Variants in FIG4 observed in about 807,000 individuals in gnomAD.
The protein encoded by FIG4 is FIG4 phosphoinositide 5-phosphatase.
In FIG4, 112 loss-of-function variants were observed where a neutral mutation model predicts 118.6. That is an observed-to-expected ratio of 0.94 (90% CI 0.81 to 1.11). FIG4 has a LOEUF of 1.11. FIG4 is among the 50% of genes least tolerant of loss of function. FIG4 has a pLI of 0.00. For synonymous variants in FIG4, 369 were observed against 381.2 expected (o/e 0.97, Z 0.37); for missense variants, 969 against 1,111.7 (o/e 0.87, Z 1.83).
chr6:109,755,177 C>T (rs1351661235), intron 10 of FIG4, among the ~76,000 whole-genome samples: 1 of 152,098 alleles, frequency 6.6e-6, no homozygotes, highest in Non-Finnish European at 1.5e-5. Flanking sequence ...TTTATTTCTG[C>T]CTTCATTTCG....
In FIG4 at chr6:109,691,485, T is replaced by G; in HGVS notation, c.50T>G (p.Leu17Arg). Residue 17 changes from leucine to arginine, a missense_variant, in exon 1 of 23, where the codon CTG (leucine) becomes CGG (arginine). Coordinates refer to ENST00000230124, the MANE Select transcript of FIG4 (RefSeq NM_014845.6). ...PIISSVQKLV[L>R]YETRARYFLV... Reference sequence around the variant, plus strand: ...ATCAGCTCGGTCCAGAAGCTGGTTCTGTATGAGACTAGAGCTGTGAGTACC... The same window carrying G: ...ATCAGCTCGGTCCAGAAGCTGGTTCGGTATGAGACTAGAGCTGTGAGTACC... 1 of 1,582,878 alleles carries G rather than the reference T, an allele frequency of 6.3e-7. No homozygotes were observed. Among genetic ancestry groups the G allele is most frequent in the Non-Finnish European group, 8.6e-7 (1 of 1,164,104 alleles).
rs56981194 is a variant in FIG4, at chr6:109,786,181, G to A, written c.1949-121G>A. 3,511 of 809,602 alleles carry A rather than the reference G, an allele frequency of 4.3e-3. 86 individuals carry two copies. The African/African-American group carries it at 0.055, about 13-fold the overall frequency. 50.2% of individuals were successfully genotyped at this position (809,602 alleles called of 1,614,324 possible). ...TGTTGGAGGCAGGAGCTTACCCTCG[G>A]TCAGGGCTGTATCCCCCACAGAGCT... On this transcript the variant is annotated intron_variant, in intron 17 of 22. Coordinates refer to ENST00000230124, the MANE Select transcript of FIG4 (RefSeq NM_014845.6).
rs1351871530 is a variant in FIG4 at position 109,825,383 on chromosome 6, C to G, written c.*118C>G. 3.2e-6 allele frequency: 3 copies of G among 939,754 alleles called. No individual in the cohort carries two copies. Among genetic ancestry groups the G allele is most frequent in the Non-Finnish European group, 5.0e-6 (3 of 599,546 alleles). 58.2% of individuals were successfully genotyped at this position (939,754 alleles called of 1,614,324 possible). ...GTCTGAAGCCTTTCTCCTTTTCTGTCACTTGCAAATTCCAAATTATAGCTA... is the reference window on the plus strand; with the variant it reads ...GTCTGAAGCCTTTCTCCTTTTCTGTGACTTGCAAATTCCAAATTATAGCTA... On this transcript the variant is annotated 3_prime_UTR_variant, in exon 23 of 23. Transcript: ENST00000230124.
intron 16 of FIG4, among the ~76,000 whole-genome samples, chr6:109,781,314 C>T (rs768762954): frequency 3.3e-5 from 5 of 152,208 alleles, no homozygotes; most frequent in Non-Finnish European, 7.3e-5. Context: ...ATCTCTTCTT[C>T]TACTGGTTAA....
chr6:109,701,626 A>G (rs1048093780), intron 1 of FIG4: 1 of 465,016 alleles, frequency 2.2e-6, no homozygotes, highest in South Asian at 1.6e-5. Context: ...TTGTTAGCAT[A>G]TATGTATGCA....
chr6:109,817,114 A>G (rs985363979), intron 22 of FIG4, among the ~76,000 whole-genome samples: 1 of 152,218 alleles, frequency 6.6e-6, no homozygotes, highest in East Asian at 1.9e-4. Context: ...AGGAGCACTT[A>G]TGTTCTTTGC....
intron 15 of FIG4, among the ~76,000 whole-genome samples, chr6:109,767,096 T>C (rs1777302871): frequency 6.6e-6 from 1 of 152,246 alleles, no homozygotes; most frequent in Non-Finnish European, 1.5e-5. Flanking sequence ...TAGGACACTT[T>C]TGCATTTTGG....
chr6:109,818,957 A>C (rs1031534735), intron 22 of FIG4, among the ~76,000 whole-genome samples: 20 of 152,226 alleles, frequency 1.3e-4, no homozygotes, highest in Non-Finnish European at 2.5e-4. Flanking sequence ...GATGCTGAGG[A>C]GCCTCATCTA....
intron 10 of FIG4, among the ~76,000 whole-genome samples, chr6:109,748,784 G>A (rs975316940): frequency 2.0e-5 from 3 of 152,058 alleles, no homozygotes; most frequent in Non-Finnish European, 4.4e-5. Flanking sequence ...AGAACCAAGC[G>A]AAAAGAGAAA....
chr6:109,722,316 C>A (rs1038768189), intron 3 of FIG4, among the ~76,000 whole-genome samples: 1 of 151,884 alleles, frequency 6.6e-6, no homozygotes, highest in African/African-American at 2.4e-5. Flanking sequence ...ATTTTTTTCG[C>A]AGTGGCATGG....
intron 1 of FIG4, among the ~76,000 whole-genome samples, chr6:109,697,106 C>T: frequency 6.6e-6 from 1 of 151,666 alleles, no homozygotes; most frequent in Admixed American, 6.6e-5. Flanking sequence ...ACTAAAAATA[C>T]AAAAAATTAG....
Position 109,793,851 on chromosome 6 carries a change from G to A in FIG4, c.2459+1187G>A, listed in dbSNP as rs575880642. Among the ~76,000 whole-genome samples the A allele has an allele frequency of 7.2e-5, 11 of 152,232 alleles. No homozygotes were observed. In the South Asian group the frequency reaches 8.3e-4, roughly 11 times the overall value. On this transcript the variant is annotated intron_variant, in intron 21 of 22. Coordinates refer to ENST00000230124, the MANE Select transcript of FIG4 (RefSeq NM_014845.6). The stretch of plus-strand genomic sequence containing the variant: ...GTAACTTGCACTTTTTTGAATATGC[G>A]TCATTGACTGGAAGCCAATTTAGTC...
chr6:109,738,601 AC>A (rs1776232467), intron 7 of FIG4, 148 bp downstream of exon 7: 1 of 734,366 alleles, frequency 1.4e-6, no homozygotes, highest in East Asian at 2.6e-5. Context: ...TAGCAGAAAT[AC>A]AAAGAAGAAT....
chr6:109,740,940 C>T (rs909303137), intron 7 of FIG4, among the ~76,000 whole-genome samples: 4 of 151,992 alleles, frequency 2.6e-5, no homozygotes, highest in Admixed American at 6.6e-5. Flanking sequence ...GAAGAGAGAG[C>T]GAGCAAAGGG....
chr6:109,777,100 G>A (rs758829235), intron 16 of FIG4, 40 bp downstream of exon 16: 2 of 1,558,168 alleles, frequency 1.3e-6, no homozygotes, highest in Admixed American at 1.7e-5. Context: ...CTCCCATTTG[G>A]TGTTATTTTG....
At chr6:109,784,693 A>G (rs1206970296) in intron 16 of FIG4, among the ~76,000 whole-genome samples, 2 of 152,346 alleles carry the variant, frequency 1.3e-5, no homozygotes, top group Non-Finnish European at 2.9e-5. Flanking sequence ...CTTTTTAGCT[A>G]AAAGTAAATA....
At position 109,741,462 on chromosome 6, in the gene FIG4, G is replaced by A. The variant is rs768713956; in HGVS notation, c.794G>A (p.Arg265Gln). ...CGQSKLLIYGRPVYVTLIARR... is the reference protein window; with the variant it reads ...CGQSKLLIYGQPVYVTLIARR... ...TTCCAAGAGCTGTTGATCTATGGAC[G>A]ACCAGTGTATGTCACTCTAATAGCT... Residue 265 changes from arginine to glutamine, a missense_variant, in exon 8 of 23, where the codon CGA becomes CAA. This residue lies in a region of FIG4 where 393 missense variants were observed against 409.4 expected (regional missense o/e 0.96). Coordinates refer to ENST00000230124, the MANE Select transcript of FIG4 (RefSeq NM_014845.6). The A allele has an allele frequency of 7.4e-6, 12 of 1,612,114 alleles. No homozygotes were observed. Among genetic ancestry groups the A allele is most frequent in the African/African-American group, 4.0e-5 (3 of 74,814 alleles).
At chr6:109,815,884 AT>A (rs1187394159) in intron 22 of FIG4, among the ~76,000 whole-genome samples, 1 of 151,804 alleles carries the variant, frequency 6.6e-6, no homozygotes, top group African/African-American at 2.4e-5. Context: ...CTCAGTTTTC[AT>A]TTTTGACTTT....
intron 3 of FIG4, among the ~76,000 whole-genome samples, chr6:109,721,690 A>G (rs1384930597): frequency 1.3e-5 from 2 of 152,184 alleles, no homozygotes; most frequent in African/African-American, 2.4e-5. Context: ...AAGGATGAAC[A>G]GGCTGATTCT....
Sources: gnomAD v4.1 joint callset for allele counts (sites outside exome capture counted in the v4.1 genomes callset) on GRCh38, gnomAD v4.1.1 for gene constraint, gnomAD v4.1.1 regional missense constraint, MANE v1.5 for transcripts, NCBI Gene and HGNC (gene_info 2026-07-23, HGNC 2026-07-21) for gene names.